Variants in INPP4B observed in about 807,000 individuals in gnomAD.
INPP4B encodes the protein inositol polyphosphate 4-phosphatase type II.
INPP4B carries 55 observed loss-of-function variants against 122.5 expected under a neutral mutation model. The observed-to-expected ratio is 0.45, with a 90% CI of 0.36 to 0.56. The LOEUF is 0.56. Ranked by LOEUF, INPP4B falls within the 20% of genes least tolerant of loss-of-function variation. INPP4B has a pLI of 0.00. For missense variants in INPP4B, 1,000 were observed against 1,097.7 expected (o/e 0.91, Z 1.26); for synonymous variants, 403 against 388.7 (o/e 1.04, Z -0.43).
At chr4:142,418,479 G>A (rs138501386) in intron 5 of INPP4B, among the ~76,000 whole-genome samples, 319 of 152,140 alleles carry the variant, frequency 2.1e-3, no homozygotes, top group Non-Finnish European at 3.6e-3. Flanking sequence ...TTATAGTCTA[G>A]TATGACAAGA....
chr4:142,358,895 C>CTACTTT (rs1476156913), intron 7 of INPP4B, among the ~76,000 whole-genome samples: 1 of 151,932 alleles, frequency 6.6e-6, no homozygotes, highest in Non-Finnish European at 1.5e-5. Flanking sequence ...GGTGAGAGGG[C>CTACTTT]TACTTTAGAG....
intron 7 of INPP4B, among the ~76,000 whole-genome samples, chr4:142,331,631 C>A (rs1774555850): frequency 6.6e-6 from 1 of 152,210 alleles, no homozygotes; most frequent in African/African-American, 2.4e-5. Context: ...CAAGCACTAT[C>A]TATTCGATCA....
At chr4:142,496,444 T>C (rs1822576873) in intron 2 of INPP4B, among the ~76,000 whole-genome samples, 2 of 152,176 alleles carry the variant, frequency 1.3e-5, no homozygotes, top group Non-Finnish European at 2.9e-5. Flanking sequence ...TAGTAAAATT[T>C]CTGGATTATG....
chr4:142,749,584 A>T (rs1328520579), intron 1 of INPP4B, among the ~76,000 whole-genome samples: 2 of 151,838 alleles, frequency 1.3e-5, no homozygotes, highest in Non-Finnish European at 2.9e-5. Flanking sequence ...TCAATAAAAG[A>T]TCCAGTTCAC....
chr4:142,696,585 C>A (rs1461895274), intron 2 of INPP4B, among the ~76,000 whole-genome samples: 4 of 152,188 alleles, frequency 2.6e-5, no homozygotes, highest in Non-Finnish European at 4.4e-5. Context: ...TCACTGCTTA[C>A]ACCCACTTAA....
At chr4:142,256,689 G>A (rs896195495) in intron 11 of INPP4B, among the ~76,000 whole-genome samples, 3 of 152,134 alleles carry the variant, frequency 2.0e-5, no homozygotes, top group South Asian at 2.1e-4. Context: ...CCAATAACAG[G>A]CTCTGAAATT....
intron 16 of INPP4B, 29 bp from the exon 17 acceptor site, chr4:142,160,590 C>G: frequency 1.3e-6 from 2 of 1,541,846 alleles, no homozygotes; most frequent in Non-Finnish European, 1.8e-6. Flanking sequence ...GGATTAGAAA[C>G]ACCTTGGTAG....
intron 2 of INPP4B, among the ~76,000 whole-genome samples, chr4:142,582,757 C>T (rs1735373119): frequency 6.6e-6 from 1 of 152,132 alleles, no homozygotes; most frequent in Admixed American, 6.6e-5. Context: ...CTGGCATTTT[C>T]CACACTTGCT....
intron 1 of INPP4B, among the ~76,000 whole-genome samples, chr4:142,790,622 A>G (rs1157705655): frequency 1.3e-5 from 2 of 152,072 alleles, no homozygotes; most frequent in African/African-American, 4.8e-5. Context: ...CCCAAGGCCT[A>G]TATAGGAGAA....
chr4:142,235,753 T>A (rs1201709062), intron 12 of INPP4B, among the ~76,000 whole-genome samples: 7 of 152,258 alleles, frequency 4.6e-5, no homozygotes, highest in African/African-American at 1.7e-4. Context: ...ATTGTCTATG[T>A]CTTCACAGAC....
intron 25 of INPP4B, among the ~76,000 whole-genome samples, chr4:142,071,314 A>G (rs1384463035): frequency 1.3e-5 from 2 of 152,190 alleles, no homozygotes; most frequent in Non-Finnish European, 2.9e-5. Flanking sequence ...TCCCTTCCTT[A>G]AACCTTATAC....
chr4:142,530,954 G>C (rs150792549), intron 2 of INPP4B, among the ~76,000 whole-genome samples: 132 of 152,092 alleles, frequency 8.7e-4, no homozygotes, highest in Admixed American at 2.2e-3. Flanking sequence ...CAGCCACAAA[G>C]TCATTAACCA....
intron 2 of INPP4B, among the ~76,000 whole-genome samples, chr4:142,521,862 A>G (rs1826119056): frequency 6.6e-6 from 1 of 152,138 alleles, no homozygotes; most frequent in Non-Finnish European, 1.5e-5. Flanking sequence ...GAATTAGTTC[A>G]TCTGCTTTAA....
chr4:142,706,652 C>A (rs1476244375), intron 2 of INPP4B, among the ~76,000 whole-genome samples: 2 of 152,230 alleles, frequency 1.3e-5, no homozygotes, highest in African/African-American at 4.8e-5. Flanking sequence ...TTACTGCATG[C>A]TTCAAAAATA....
chr4:142,414,256 T>C (rs1562047089), intron 5 of INPP4B, among the ~76,000 whole-genome samples: 1 of 152,140 alleles, frequency 6.6e-6, no homozygotes, highest in Admixed American at 6.5e-5. Flanking sequence ...CATTATTTTA[T>C]GTGTCTGTGT....
At chr4:142,471,673 G>C (rs761740878) in intron 2 of INPP4B, among the ~76,000 whole-genome samples, 118 of 152,290 alleles carry the variant, frequency 7.7e-4, no homozygotes, top group Middle Eastern at 3.4e-3. Context: ...AGCAGTGTAG[G>C]CAGAGATACC....
At chr4:142,812,547 G>A (rs1457985069) in intron 1 of INPP4B, among the ~76,000 whole-genome samples, 1 of 151,856 alleles carries the variant, frequency 6.6e-6, no homozygotes, top group African/African-American at 2.4e-5. Flanking sequence ...CTACTGTATT[G>A]TAATGGACAT....
At chr4:142,169,178 A>G (rs1824308860) in intron 16 of INPP4B, among the ~76,000 whole-genome samples, 1 of 151,540 alleles carries the variant, frequency 6.6e-6, no homozygotes, top group South Asian at 2.1e-4. Flanking sequence ...AATTTTGTTT[A>G]TTGTATACTA....
intron 3 of INPP4B, among the ~76,000 whole-genome samples, chr4:142,433,369 G>A (rs1007006429): frequency 2.0e-5 from 3 of 152,038 alleles, no homozygotes; most frequent in African/African-American, 7.2e-5. Context: ...ACTCAGGCCA[G>A]TTCTCACATC....
Sources: gnomAD v4.1 joint callset for allele counts (sites outside exome capture counted in the v4.1 genomes callset) on GRCh38, gnomAD v4.1.1 for gene constraint, MANE v1.5 for transcripts, NCBI Gene and HGNC (gene_info 2026-07-23, HGNC 2026-07-21) for gene names.